The following ZNF620 variants were observed in gnomAD, a reference collection of about 807,000 sequenced individuals.
ZNF620 encodes zinc finger protein 620.
ZNF620 carries 10 observed loss-of-function variants against 13.3 expected under a neutral mutation model. The observed-to-expected ratio is 0.75, with a 90% CI of 0.46 to 1.28. The LOEUF (loss-of-function observed/expected upper bound fraction) is 1.28, where lower values mean the gene tolerates loss of function less well. Ranked by LOEUF, ZNF620 falls within the 50% of genes most tolerant of loss-of-function variation. The probability of loss-of-function intolerance (pLI) is 0.00; values close to 1 mark genes in which losing one functional copy is unlikely to be tolerated. For synonymous variants in ZNF620, 166 were observed against 177.6 expected, an observed-to-expected ratio of 0.93 and a Z score of 0.52; for missense variants, 461 against 500.2, an observed-to-expected ratio of 0.92 and a Z score of 0.75.
At position 40,517,389 on chromosome 3, in the gene ZNF620, A is replaced by AC. The variant is rs1477533227; in HGVS notation, c.*526_*527insC. On this transcript the variant is annotated 3_prime_UTR_variant, in exon 5 of 5. Transcript: ENST00000314529. Reference sequence around the variant, plus strand: ...AACCCCGTCTCTCCTGAAAAAAAAAAACACAAAAATTAGCCAGGCATGGTG... The same window carrying AC: ...AACCCCGTCTCTCCTGAAAAAAAAAACACACAAAAATTAGCCAGGCATGGTG... The AC allele has an allele frequency of 1.3e-5, 2 of 151,606 alleles. No individual in the cohort carries two copies. Among genetic ancestry groups the AC allele is most frequent in the African/African-American group, 4.9e-5 (2 of 41,162 alleles). The allele number at this position is 151,606 out of a possible 1,614,324, so 9.4% of individuals were successfully genotyped here.
Position 40,516,698 on chromosome 3 carries a change from G to A in ZNF620, c.1104G>A (p.Glu368=). 1.2e-6 allele frequency: 2 copies of A among 1,614,238 alleles called. No individual in the cohort carries two copies. Among genetic ancestry groups the A allele is most frequent in the Non-Finnish European group, 1.7e-6 (2 of 1,180,050 alleles). The change falls in exon 5 of 5, where the codon GAG becomes GAA. Residue 368 remains glutamate, a synonymous_variant. Transcript: ENST00000314529. The part of the protein sequence containing the change: ...HTGEKPFECK[E]CGKAFNQKIT... ...GGGAGAAGCCCTTTGAATGTAAGGA[G>A]TGTGGGAAGGCATTCAATCAGAAAA...
chr3:40,509,332 A>G (rs1698128111), intron 2 of ZNF620, among the ~76,000 whole-genome samples: 1 of 151,794 alleles, frequency 6.6e-6, no homozygotes, highest in South Asian at 2.1e-4. Flanking sequence ...TCTGGGTTCA[A>G]GCGATTCTTG....
At position 40,518,425 on chromosome 3, in the gene ZNF620, A is replaced by G. The variant is rs1698445686; in HGVS notation, c.*1562A>G. ...GAAGTGTTTCAAACAGTGACTACATATAATAAAAGTATTACCTATTATTGG... is the reference window on the plus strand; with the variant it reads ...GAAGTGTTTCAAACAGTGACTACATGTAATAAAAGTATTACCTATTATTGG... On this transcript the variant is annotated 3_prime_UTR_variant, in exon 5 of 5. Transcript: ENST00000314529. 6.6e-6 allele frequency: 1 copy of G among 152,226 alleles called. No homozygotes were observed. Among genetic ancestry groups the G allele is most frequent in the African/African-American group, 2.4e-5 (1 of 41,458 alleles). 9.4% of individuals were successfully genotyped at this position (152,226 alleles called of 1,614,324 possible).
chr3:40,508,056 T>G (rs931871815), intron 2 of ZNF620, among the ~76,000 whole-genome samples: 3 of 152,192 alleles, frequency 2.0e-5, no homozygotes, highest in Admixed American at 6.5e-5. Flanking sequence ...TGTCACTTCT[T>G]TTATTACTAA....
chr3:40,515,189 C>T (rs910919733), intron 4 of ZNF620, among the ~76,000 whole-genome samples: 2 of 152,224 alleles, frequency 1.3e-5, no homozygotes, highest in Admixed American at 1.3e-4. Context: ...CTTACATTCA[C>T]TCTTGGAAGA....
intron 2 of ZNF620, 151 bp from the exon 3 acceptor site, chr3:40,511,319 G>C: frequency 9.6e-7 from 1 of 1,043,870 alleles, no homozygotes; most frequent in East Asian, 2.6e-5. Context: ...TCCCCTGTTG[G>C]TGCGGGCAAA....
intron 2 of ZNF620, 60 bp from the exon 3 acceptor site, chr3:40,511,410 C>A (rs1454334736): frequency 6.3e-7 from 1 of 1,590,228 alleles, no homozygotes; most frequent in South Asian, 1.1e-5. Context: ...ATCTCTGCCC[C>A]ACTACTTAGC....
In ZNF620 at chr3:40,518,416, T is replaced by C. The variant is rs1698445551; in HGVS notation, c.*1553T>C. 6.6e-6 allele frequency: 1 copy of C among 152,158 alleles called. No homozygotes were observed. Among genetic ancestry groups the C allele is most frequent in the Non-Finnish European group, 1.5e-5 (1 of 68,026 alleles). 9.4% of individuals were successfully genotyped at this position (152,158 alleles called of 1,614,324 possible). ...TTATTTGTAGAAGTGTTTCAAACAG[T>C]GACTACATATAATAAAAGTATTACC... On this transcript the variant is annotated 3_prime_UTR_variant, in exon 5 of 5. Transcript: ENST00000314529.
At chr3:40,510,756 CTCTT>C (rs1698168669) in intron 2 of ZNF620, among the ~76,000 whole-genome samples, 1 of 152,042 alleles carries the variant, frequency 6.6e-6, no homozygotes, top group Non-Finnish European at 1.5e-5. Flanking sequence ...TTCTCTCTCT[CTCTT>C]TTTTTTGAGA....
chr3:40,513,200 C>T (rs564789352), intron 4 of ZNF620, among the ~76,000 whole-genome samples: 4 of 151,156 alleles, frequency 2.6e-5, no homozygotes, highest in South Asian at 2.1e-4. Flanking sequence ...CATGGTGGCT[C>T]ATACCTGTAA....
chr3:40,516,696 G>C lies in ZNF620; in HGVS notation c.1102G>C (p.Glu368Gln). The C allele has an allele frequency of 1.9e-6, 3 of 1,614,192 alleles. No homozygotes were observed. Among genetic ancestry groups the C allele is most frequent in the Non-Finnish European group, 2.5e-6 (3 of 1,180,030 alleles). ...TGGGGAGAAGCCCTTTGAATGTAAG[G>C]AGTGTGGGAAGGCATTCAATCAGAA... ...HTGEKPFECK[E>Q]CGKAFNQKIT... The change falls in exon 5 of 5, where the codon GAG becomes CAG. Residue 368 changes from glutamate (E) to glutamine (Q), a missense_variant. By Grantham distance (29) the Glu-to-Gln change is conservative. Transcript: ENST00000314529.
chr3:40,512,231 CTCTGTGCCACTTTGTGGGAAATT>C (rs1300436556), intron 3 of ZNF620, among the ~76,000 whole-genome samples, 148 bp from the exon 4 acceptor site: 1 of 152,196 alleles, frequency 6.6e-6, no homozygotes, highest in Non-Finnish European at 1.5e-5. Flanking sequence ...TATTCTGGGA[CTCTGTGCCACTTTGTGGGAAATT>C]TCTGTCCTCC....
chr3:40,512,330 A>G, intron 3 of ZNF620, 72 bp from the exon 4 acceptor site: 3 of 1,300,844 alleles, frequency 2.3e-6, no homozygotes, highest in Non-Finnish European at 3.3e-6. Context: ...GCAGATAAAG[A>G]TAAAGGGGGC....
At position 40,516,847 on chromosome 3, in the gene ZNF620, C is replaced by T; in HGVS notation, c.1253C>T (p.Thr418Ile). 6.2e-7 allele frequency: 1 copy of T among 1,607,832 alleles called. No homozygotes were observed. Among genetic ancestry groups the T allele is most frequent in the African/African-American group, 1.3e-5 (1 of 74,954 alleles). Residue 418 changes from threonine to isoleucine, a missense_variant, in exon 5 of 5, where the codon ACA (threonine) becomes ATA (isoleucine). Transcript: ENST00000314529. ...CATCAGAAACTACACACTCAGAAGACACCTGTCCAAGCATAGGGCTATCCA... is the reference window on the plus strand; with the variant it reads ...CATCAGAAACTACACACTCAGAAGATACCTGTCCAAGCATAGGGCTATCCA... ...ILHQKLHTQK[T>I]PVQA
chr3:40,516,954 A>G lies in ZNF620; in HGVS notation c.*91A>G. ...TGTCCTCGCTGTCCTTCCTGGTTAG[A>G]CACTTGGCTTTCATCATGAACTCTT... On this transcript the variant is annotated 3_prime_UTR_variant, in exon 5 of 5. Transcript: ENST00000314529. 1 of 1,414,940 alleles carries G rather than the reference A, an allele frequency of 7.1e-7. No homozygotes were observed. Among genetic ancestry groups the G allele is most frequent in the Non-Finnish European group, 9.5e-7 (1 of 1,054,378 alleles). The allele number at this position is 1,414,940 out of a possible 1,614,324, so 87.6% of individuals were successfully genotyped here. A position where few individuals can be genotyped will look rare whatever the true frequency, so the allele number is the denominator to read the frequency against.
intron 2 of ZNF620, among the ~76,000 whole-genome samples, chr3:40,509,200 T>C (rs1698124079): frequency 6.6e-6 from 1 of 152,106 alleles, no homozygotes. Flanking sequence ...GTTCTTTGTT[T>C]CCTTTTATTC....
At chr3:40,508,643 CT>C in intron 2 of ZNF620, 1 of 293,300 alleles carries the variant, frequency 3.4e-6, no homozygotes, top group Non-Finnish European at 6.7e-6. Flanking sequence ...TTTTTTTTTT[CT>C]TTTTTCCTTA....
chr3:40,512,191 A>C (rs1435009343), intron 3 of ZNF620, among the ~76,000 whole-genome samples: 1 of 152,082 alleles, frequency 6.6e-6, no homozygotes, highest in Non-Finnish European at 1.5e-5. Context: ...TCTGAAGAAA[A>C]CTTGAGATTC....
chr3:40,509,346 C>T (rs1226334824), intron 2 of ZNF620, among the ~76,000 whole-genome samples: 4 of 151,790 alleles, frequency 2.6e-5, no homozygotes, highest in Non-Finnish European at 5.9e-5. Context: ...ATTCTTGTGT[C>T]CAGCCTCCCA....
Sources: allele counts gnomAD v4.1 joint callset (sites outside exome capture counted in the v4.1 genomes callset), GRCh38; gene constraint gnomAD v4.1.1; transcripts MANE v1.5; gene names NCBI Gene and HGNC (gene_info 2026-07-23, HGNC 2026-07-21).